Variants in MYO5B observed in about 807,000 individuals in gnomAD.
MYO5B encodes the protein myosin VB.
A neutral mutation model predicts 229.3 loss-of-function variants in MYO5B; 143 were observed. The ratio of observed to expected loss-of-function variants is 0.62; its 90% CI spans 0.54 to 0.72. MYO5B has a LOEUF of 0.72. MYO5B is among the 30% of genes least tolerant of loss of function. MYO5B has a pLI of 0.00. For missense variants in MYO5B, 2,321 were observed against 2,331.0 expected (o/e 1.00, Z 0.09); for synonymous variants, 918 against 885.2 (o/e 1.04, Z -0.66).
chr18:50,064,738 A>C (rs2030776793), intron 1 of MYO5B, among the ~76,000 whole-genome samples: 1 of 152,194 alleles, frequency 6.6e-6, no homozygotes, highest in South Asian at 2.1e-4. Context: ...TCACCATAAC[A>C]CTTATTGAAA....
At chr18:49,944,666 C>G (rs2025351532) in intron 14 of MYO5B, among the ~76,000 whole-genome samples, 1 of 152,004 alleles carries the variant, frequency 6.6e-6, no homozygotes, top group African/African-American at 2.4e-5. Flanking sequence ...TCCTTTAAGT[C>G]ACTCCCTGAC....
At chr18:50,047,105 A>T (rs1004346165) in intron 2 of MYO5B, among the ~76,000 whole-genome samples, 1 of 152,242 alleles carries the variant, frequency 6.6e-6, no homozygotes, top group Non-Finnish European at 1.5e-5. Context: ...TAATTCAACT[A>T]AAGAGCTTCT....
chr18:49,950,920 A>G (rs1045726388), intron 14 of MYO5B, among the ~76,000 whole-genome samples: 14 of 152,194 alleles, frequency 9.2e-5, no homozygotes, highest in East Asian at 7.7e-4. Context: ...CCATTCCCTG[A>G]TAAGAACAGT....
intron 22 of MYO5B, among the ~76,000 whole-genome samples, chr18:49,891,062 T>C (rs888817398): frequency 1.3e-5 from 2 of 152,138 alleles, no homozygotes; most frequent in African/African-American, 4.8e-5. Flanking sequence ...AGGCCGCGCT[T>C]GAAGTCAGAA....
intron 2 of MYO5B, among the ~76,000 whole-genome samples, chr18:50,045,857 C>T (rs2030209968): frequency 2.0e-5 from 3 of 152,156 alleles, no homozygotes; most frequent in African/African-American, 7.2e-5. Flanking sequence ...GCCTATGATC[C>T]TATACTACTT....
chr18:49,912,208 T>A (rs374473414), intron 17 of MYO5B, 35 bp from the exon 18 acceptor site: 3 of 1,541,958 alleles, frequency 1.9e-6, no homozygotes, highest in African/African-American at 2.7e-5. Flanking sequence ...AGGTGACACA[T>A]CCTGCCTCTT....
chr18:50,057,867 A>G (rs2144422091), intron 1 of MYO5B, among the ~76,000 whole-genome samples: 1 of 152,296 alleles, frequency 6.6e-6, no homozygotes, highest in South Asian at 2.1e-4. Flanking sequence ...TCACCACATC[A>G]GAATCCTCAT....
At chr18:50,038,111 T>C (rs984319533) in intron 3 of MYO5B, among the ~76,000 whole-genome samples, 3 of 152,230 alleles carry the variant, frequency 2.0e-5, no homozygotes, top group Non-Finnish European at 2.9e-5. Flanking sequence ...CAGGTTGATA[T>C]TTGAGCCTGT....
chr18:49,960,723 G>A (rs922824197), intron 12 of MYO5B, among the ~76,000 whole-genome samples: 1 of 152,178 alleles, frequency 6.6e-6, no homozygotes, highest in Non-Finnish European at 1.5e-5. Flanking sequence ...CCACCAGTGT[G>A]AGTTTACACG....
At chr18:49,966,746 T>C (rs1044163509) in intron 10 of MYO5B, among the ~76,000 whole-genome samples, 3 of 152,186 alleles carry the variant, frequency 2.0e-5, no homozygotes, top group African/African-American at 7.2e-5. Context: ...TGAAATTAGC[T>C]TGTAATTTTC....
chr18:49,930,512 T>C (rs932613050), intron 16 of MYO5B, among the ~76,000 whole-genome samples: 7 of 152,158 alleles, frequency 4.6e-5, no homozygotes, highest in African/African-American at 1.7e-4. Context: ...GGAAATTTTA[T>C]ACAAGACAGT....
At chr18:49,933,521 G>C (rs1359107522) in intron 16 of MYO5B, among the ~76,000 whole-genome samples, 1 of 152,252 alleles carries the variant, frequency 6.6e-6, no homozygotes, top group Non-Finnish European at 1.5e-5. Context: ...TGCTATCAAA[G>C]CATTTAATGT....
chr18:49,954,020 TTATATGTGTG>T (rs1476442674), intron 13 of MYO5B, among the ~76,000 whole-genome samples: 1 of 38,716 alleles, frequency 2.6e-5, no homozygotes, highest in Non-Finnish European at 5.1e-5. Flanking sequence ...GTGTATGTAT[TTATATGTGTG>T]TGTGTGTGTG....
intron 4 of MYO5B, among the ~76,000 whole-genome samples, chr18:50,022,090 C>G (rs971592617): frequency 4.0e-5 from 6 of 151,760 alleles, no homozygotes; most frequent in Admixed American, 3.9e-4. Flanking sequence ...TCTTCCCTCC[C>G]TCCCTCCCCA....
intron 1 of MYO5B, among the ~76,000 whole-genome samples, chr18:50,140,174 C>G (rs903126856): frequency 2.6e-5 from 4 of 152,188 alleles, no homozygotes; most frequent in African/African-American, 9.7e-5. Flanking sequence ...TCCAGAAATC[C>G]TGTTTGGTTC....
chr18:50,047,524 C>G (rs531292747), intron 2 of MYO5B, among the ~76,000 whole-genome samples: 1 of 152,306 alleles, frequency 6.6e-6, no homozygotes, highest in South Asian at 2.1e-4. Context: ...TTGTGGAAGT[C>G]AGTGTGGCGA....
chr18:49,866,169 C>T (rs1429331888), intron 27 of MYO5B, among the ~76,000 whole-genome samples: 1 of 152,096 alleles, frequency 6.6e-6, no homozygotes, highest in Non-Finnish European at 1.5e-5. Context: ...CCCAGGTTCA[C>T]GCCATTCTCC....
intron 22 of MYO5B, among the ~76,000 whole-genome samples, chr18:49,889,980 A>G (rs1288602121): frequency 6.6e-6 from 1 of 152,198 alleles, no homozygotes; most frequent in African/African-American, 2.4e-5. Context: ...ATTCTAAGCC[A>G]TACATTAAAG....
intron 26 of MYO5B, among the ~76,000 whole-genome samples, chr18:49,873,588 T>G (rs996116049): frequency 6.6e-6 from 1 of 152,224 alleles, no homozygotes; most frequent in Admixed American, 6.5e-5. Context: ...GGGTCTGCAT[T>G]CAACCTGCTG....
Sources: allele counts gnomAD v4.1 joint callset (sites outside exome capture counted in the v4.1 genomes callset), GRCh38; gene constraint gnomAD v4.1.1; transcripts MANE v1.5; gene names NCBI Gene and HGNC (gene_info 2026-07-23, HGNC 2026-07-21).